NDUFA10: variants seen among roughly 807,000 people sequenced by gnomAD.
The protein encoded by NDUFA10 is NADH:ubiquinone oxidoreductase subunit A10.
Under a neutral mutation model 47.8 loss-of-function variants are expected in NDUFA10, and 40 were observed. The ratio of observed to expected loss-of-function variants is 0.84; its 90% CI spans 0.65 to 1.09. NDUFA10 has a LOEUF of 1.09. NDUFA10 is among the 50% of genes least tolerant of loss of function. The pLI, the probability that NDUFA10 is intolerant of heterozygous loss-of-function variation, is 0.00. For synonymous variants in NDUFA10, 183 were observed against 172.2 expected (o/e 1.06, Z -0.49); for missense variants, 413 against 451.1 (o/e 0.92, Z 0.76).
At chr2:239,915,427 AATAT>A (rs1693846194) in intron 4 of NDUFA10, among the ~76,000 whole-genome samples, 8 of 78,530 alleles carry the variant, frequency 1.0e-4, no homozygotes, top group African/African-American at 4.3e-4. Flanking sequence ...CACAGACACA[AATAT>A]ACAGACACAC....
At chr2:239,937,100 G>A (rs978464929) in intron 4 of NDUFA10, among the ~76,000 whole-genome samples, 10 of 152,208 alleles carry the variant, frequency 6.6e-5, no homozygotes, top group African/African-American at 9.7e-5. Context: ...GGGGCAGTCC[G>A]CAGTGGCCAC....
Position 239,967,979 on chromosome 2 carries a change from TACACACAC to T in NDUFA10, c.1000-6801_1000-6794del, listed in dbSNP as rs61166045. Among the ~76,000 whole-genome samples, 1,362 of 147,580 alleles carry T rather than the reference TACACACAC, an allele frequency of 9.2e-3. 19 individuals are homozygous for T. The highest frequency in any genetic ancestry group is 0.032 in the African/African-American group (1,259 of 39,940). On this transcript the variant is annotated intron_variant, in intron 9 of 9. Coordinates refer to ENST00000252711, the MANE Select transcript of NDUFA10 (RefSeq NM_004544.4). ...CAGAAATCAGTCAAGGAAAAAAATATACACACACACACACACACACACACACACACAGT... is the reference window on the plus strand; with the variant it reads ...CAGAAATCAGTCAAGGAAAAAAATATACACACACACACACACACACACAGT...
intron 8 of NDUFA10, among the ~76,000 whole-genome samples, chr2:239,996,170 G>C (rs941930235): frequency 4.6e-5 from 7 of 152,124 alleles, no homozygotes; most frequent in African/African-American, 1.4e-4. Flanking sequence ...TAAGGATACC[G>C]ATGACTTGAA....
Position 239,958,950 on chromosome 2 carries a change from T to G in NDUFA10, c.*2168A>C. On this transcript the variant is annotated 3_prime_UTR_variant, in exon 10 of 10. Coordinates refer to ENST00000252711, the MANE Select transcript of NDUFA10 (RefSeq NM_004544.4). The stretch of plus-strand genomic sequence containing the variant: ...GATCCTGGTTTGTTGGTGCTGTTGT[T>G]TTAGTTGTAAGAGCTTTCGTGAGAC... The G allele has an allele frequency of 1.0e-6, 1 of 985,402 alleles. No homozygotes were observed. Among genetic ancestry groups the G allele is most frequent in the Non-Finnish European group, 1.2e-6 (1 of 829,936 alleles). The allele number at this position is 985,402 out of a possible 1,614,324, so 61.0% of individuals were successfully genotyped here.
At chr2:239,964,462 G>A (rs1435493647) in intron 9 of NDUFA10, among the ~76,000 whole-genome samples, 1 of 152,180 alleles carries the variant, frequency 6.6e-6, no homozygotes, top group East Asian at 1.9e-4. Context: ...GGATGCATGT[G>A]TATTGTTTTA....
downstream of NDUFA10, among the ~76,000 whole-genome samples, chr2:239,954,551 G>T (rs911404968): frequency 1.3e-5 from 2 of 152,226 alleles, no homozygotes; most frequent in African/African-American, 2.4e-5. Flanking sequence ...CATGCCTTAA[G>T]GAGGGCAAGA....
At position 239,960,079 on chromosome 2, in the gene NDUFA10, T is replaced by C. The variant is rs1173446635; in HGVS notation, c.*1039A>G. The C allele has an allele frequency of 2.0e-6, 2 of 985,242 alleles. No homozygotes were observed. The highest frequency in any genetic ancestry group is 2.4e-6 in the Non-Finnish European group (2 of 829,882). The allele number at this position is 985,242 out of a possible 1,614,324, so 61.0% of individuals were successfully genotyped here. A position where few individuals can be genotyped will look rare whatever the true frequency, so the allele number is the denominator to read the frequency against. On this transcript the variant is annotated 3_prime_UTR_variant, in exon 10 of 10. Coordinates refer to ENST00000252711, the MANE Select transcript of NDUFA10 (RefSeq NM_004544.4). ...ACATTTTAGCTCATTTAAATTTCAA[T>C]ACCCACATGTGGCTAGGAGCTACCA...
At chr2:239,974,270 A>G (rs1428827949) in intron 9 of NDUFA10, among the ~76,000 whole-genome samples, 1 of 152,220 alleles carries the variant, frequency 6.6e-6, no homozygotes, top group African/African-American at 2.4e-5. Flanking sequence ...CTGAGGCATC[A>G]GTGCCCTAGC....
intron 3 of NDUFA10, among the ~76,000 whole-genome samples, chr2:240,019,401 T>A (rs1417040830): frequency 6.6e-6 from 1 of 152,238 alleles, no homozygotes; most frequent in Non-Finnish European, 1.5e-5. Flanking sequence ...TGCACTTTTT[T>A]TTTCTAAATG....
intron 4 of NDUFA10, among the ~76,000 whole-genome samples, chr2:239,915,502 CA>C (rs1319884203): frequency 2.7e-5 from 4 of 147,248 alleles, no homozygotes; most frequent in African/African-American, 5.2e-5. Flanking sequence ...CAGACACACA[CA>C]AATATACAGA....
At chr2:239,921,283 C>T (rs1693974113) in intron 4 of NDUFA10, among the ~76,000 whole-genome samples, 1 of 152,068 alleles carries the variant, frequency 6.6e-6, no homozygotes, top group South Asian at 2.1e-4. Flanking sequence ...AACAAAGCCA[C>T]GGACCTTTGC....
intron 4 of NDUFA10, among the ~76,000 whole-genome samples, chr2:239,895,934 A>G (rs1446773092): frequency 6.6e-6 from 1 of 152,074 alleles, no homozygotes; most frequent in African/African-American, 2.4e-5. Flanking sequence ...CCGTCCATGC[A>G]TTGTTTTCAG....
intron 4 of NDUFA10, among the ~76,000 whole-genome samples, chr2:239,907,587 G>C (rs1214017439): frequency 3.3e-5 from 5 of 152,328 alleles, no homozygotes; most frequent in East Asian, 1.9e-4. Flanking sequence ...AGTGGGCGAA[G>C]GATATAAACA....
chr2:239,992,910 C>A (rs1446526486), intron 8 of NDUFA10, among the ~76,000 whole-genome samples: 1 of 152,180 alleles, frequency 6.6e-6, no homozygotes, highest in African/African-American at 2.4e-5. Context: ...TGGTAAGCGG[C>A]ATGTTTACAA....
At chr2:240,007,716 C>A (rs1696999533) in intron 6 of NDUFA10, among the ~76,000 whole-genome samples, 1 of 152,232 alleles carries the variant, frequency 6.6e-6, no homozygotes, top group Admixed American at 6.5e-5. Context: ...GCTGCACATA[C>A]CATCGCCAAA....
rs745982368 is a variant in NDUFA10, at chr2:240,021,197, C to A, written c.460G>T (p.Gly154Ter). 6.2e-7 allele frequency: 1 copy of A among 1,612,836 alleles called. No homozygotes were observed. Among genetic ancestry groups the A allele is most frequent in the Non-Finnish European group, 8.5e-7 (1 of 1,178,848 alleles). ...ATCTAACTGCCCAGAAATACTGCAC[C>A]TGTGGTCAGCAAGTGCTCCAAGGCA... ...SDALEHLLTT[G>*]QGVVLERSIF... The change falls in exon 3 of 10, where the codon GGA becomes TGA. Residue 154 changes from glycine (G) to a stop codon, truncating the protein, a stop_gained and splice_region_variant. Transcript: ENST00000252711. LOFTEE classifies it high-confidence loss of function.
chr2:240,015,598 A>C (rs1469734393), intron 4 of NDUFA10, among the ~76,000 whole-genome samples: 1 of 152,228 alleles, frequency 6.6e-6, no homozygotes, highest in Non-Finnish European at 1.5e-5. Flanking sequence ...ATTCTCCTAA[A>C]GTGATCACTA....
chr2:239,962,874 C>T (rs1010817931), intron 9 of NDUFA10, among the ~76,000 whole-genome samples: 14 of 152,188 alleles, frequency 9.2e-5, no homozygotes, highest in African/African-American at 2.9e-4. Flanking sequence ...GAGAGGTCGA[C>T]GCGCACTCTG....
intron 4 of NDUFA10, among the ~76,000 whole-genome samples, chr2:239,910,601 T>C (rs1006323189): frequency 6.6e-6 from 1 of 152,016 alleles, no homozygotes; most frequent in African/African-American, 2.4e-5. Context: ...GAAGAGTAGC[T>C]ATGGATGCTG....
Sources: gnomAD v4.1 joint callset for allele counts (sites outside exome capture counted in the v4.1 genomes callset) on GRCh38, gnomAD v4.1.1 for gene constraint, MANE v1.5 for transcripts, NCBI Gene and HGNC (gene_info 2026-07-23, HGNC 2026-07-21) for gene names.